TMEM71: variants seen among roughly 807,000 people sequenced by gnomAD.
TMEM71 encodes transmembrane protein 71.
A neutral mutation model predicts 38.0 loss-of-function variants in TMEM71; 44 were observed. The ratio of observed to expected loss-of-function variants is 1.16; its 90% CI spans 0.91 to 1.49. The LOEUF is 1.49. Ranked by LOEUF, TMEM71 falls within the 40% of genes most tolerant of loss-of-function variation. The probability of loss-of-function intolerance (pLI) is 0.00; values close to 1 mark genes in which losing one functional copy is unlikely to be tolerated. For missense variants in TMEM71, 367 were observed against 348.6 expected (o/e 1.05, Z -0.42); for synonymous variants, 133 against 122.5 (o/e 1.09, Z -0.56).
chr8:132,718,203 A>G (rs1285297710), intron 7 of TMEM71, among the ~76,000 whole-genome samples: 1 of 151,964 alleles, frequency 6.6e-6, no homozygotes, highest in East Asian at 1.9e-4. Context: ...TAAAACCACT[A>G]AAGGTGCACT....
chr8:132,712,997 C>T (rs776689487), intron 9 of TMEM71, among the ~76,000 whole-genome samples: 9 of 151,902 alleles, frequency 5.9e-5, no homozygotes, highest in Non-Finnish European at 1.0e-4. Flanking sequence ...ACTGCAGGTG[C>T]GCATCAGCAC....
upstream of TMEM71, among the ~76,000 whole-genome samples, chr8:132,761,336 A>G (rs1338298864): frequency 6.6e-6 from 1 of 152,222 alleles, no homozygotes; most frequent in Non-Finnish European, 1.5e-5. Context: ...AGTTTTCTCA[A>G]TTATAAACAT....
At chr8:132,772,669 C>T in the TMEM71 span, among the ~76,000 whole-genome samples, 1 of 151,976 alleles carries the variant, frequency 6.6e-6, no homozygotes, top group African/African-American at 2.4e-5. Context: ...CATAACCAAG[C>T]TATACATATA....
downstream of TMEM71, among the ~76,000 whole-genome samples, chr8:132,707,971 G>A (rs375549414): frequency 1.1e-4 from 17 of 151,958 alleles, no homozygotes; most frequent in African/African-American, 3.9e-4. Context: ...GCACATGGTT[G>A]GACTAAATAT....
upstream of TMEM71, among the ~76,000 whole-genome samples, chr8:132,764,433 C>T (rs2131227615): frequency 6.6e-6 from 1 of 152,240 alleles, no homozygotes; most frequent in South Asian, 2.1e-4. Context: ...GATTATGTCA[C>T]TCCCCTGATT....
chr8:132,719,731 T>TTAGG (rs1360470998), intron 7 of TMEM71, among the ~76,000 whole-genome samples: 1 of 152,170 alleles, frequency 6.6e-6, no homozygotes, highest in Non-Finnish European at 1.5e-5. Context: ...AATCAGAAAA[T>TTAGG]TAGGACAGAG....
the TMEM71 span, among the ~76,000 whole-genome samples, chr8:132,770,887 T>C: frequency 6.6e-6 from 1 of 152,198 alleles, no homozygotes; most frequent in Non-Finnish European, 1.5e-5. Context: ...TATCAAACAG[T>C]GTTGCATTTT....
At chr8:132,736,489 A>G (rs1308199116) in intron 5 of TMEM71, among the ~76,000 whole-genome samples, 3 of 152,116 alleles carry the variant, frequency 2.0e-5, no homozygotes, top group African/African-American at 7.2e-5. Flanking sequence ...AATCTATCCT[A>G]TATCATGGTG....
intron 7 of TMEM71, among the ~76,000 whole-genome samples, chr8:132,718,697 C>A: frequency 6.7e-6 from 1 of 149,898 alleles, no homozygotes; most frequent in Admixed American, 6.6e-5. Flanking sequence ...GTGCCCAGCC[C>A]CCCTACCTGG....
In TMEM71 at chr8:132,758,904, T is replaced by A. The variant is rs1378682353; in HGVS notation, c.-25A>T. 2 of 1,610,492 alleles carry A rather than the reference T, an allele frequency of 1.2e-6. No homozygotes were observed. Among genetic ancestry groups the A allele is most frequent in the Non-Finnish European group, 1.7e-6 (2 of 1,176,964 alleles). The stretch of plus-strand genomic sequence containing the variant: ...TCTTGGGAAGGCCGCTTGCTCAAAC[T>A]TCACAGATTCTCTGCAAAAGATGTT... On this transcript the variant is annotated 5_prime_UTR_variant, in exon 2 of 10. The change creates a new upstream start codon in the 5' untranslated region. Transcript: ENST00000677595.
intron 9 of TMEM71, among the ~76,000 whole-genome samples, chr8:132,712,172 T>C (rs1213632531): frequency 6.6e-6 from 1 of 152,056 alleles, no homozygotes; most frequent in Non-Finnish European, 1.5e-5. Context: ...TTTTCACAGG[T>C]CTTAAATGCA....
chr8:132,734,584 T>C (rs934071013), intron 5 of TMEM71, among the ~76,000 whole-genome samples: 1 of 152,136 alleles, frequency 6.6e-6, no homozygotes, highest in African/African-American at 2.4e-5. Context: ...TACTGGAAAT[T>C]GTACATAAAA....
At chr8:132,772,369 G>T in the TMEM71 span, among the ~76,000 whole-genome samples, 3 of 152,302 alleles carry the variant, frequency 2.0e-5, no homozygotes, top group African/African-American at 7.2e-5. Context: ...ATTTGGAGAT[G>T]GAGTGACTGA....
At chr8:132,752,234 A>T (rs1391840592) in intron 3 of TMEM71, among the ~76,000 whole-genome samples, 2 of 152,210 alleles carry the variant, frequency 1.3e-5, no homozygotes, top group African/African-American at 2.4e-5. Flanking sequence ...TGAAAACACG[A>T]TGGCTAATCA....
At chr8:132,745,307 A>G (rs1277017620) in intron 5 of TMEM71, among the ~76,000 whole-genome samples, 1 of 152,206 alleles carries the variant, frequency 6.6e-6, no homozygotes, top group Non-Finnish European at 1.5e-5. Context: ...TAGAACCTAT[A>G]AGGAGTTTAA....
At chr8:132,706,574 A>G (rs1826097891), downstream of TMEM71, among the ~76,000 whole-genome samples, 1 of 152,168 alleles carries the variant, frequency 6.6e-6, no homozygotes, top group Admixed American at 6.5e-5. Flanking sequence ...CTTTTGGGAA[A>G]TTTTATATAT....
intron 5 of TMEM71, among the ~76,000 whole-genome samples, chr8:132,745,227 A>G (rs552066447): frequency 6.6e-6 from 1 of 152,302 alleles, no homozygotes; most frequent in South Asian, 2.1e-4. Context: ...ACTATCAACA[A>G]GAGTAAATAT....
At chr8:132,730,387 C>T (rs1224569696) in intron 5 of TMEM71, among the ~76,000 whole-genome samples, 1 of 152,238 alleles carries the variant, frequency 6.6e-6, no homozygotes, top group African/African-American at 2.4e-5. Flanking sequence ...GCCCAAGCTG[C>T]ACAGATTTCC....
At chr8:132,738,590 T>TA (rs1827869340) in intron 5 of TMEM71, among the ~76,000 whole-genome samples, 1 of 152,160 alleles carries the variant, frequency 6.6e-6, no homozygotes, top group African/African-American at 2.4e-5. Flanking sequence ...TCACCCTGCT[T>TA]AAGAGAATCA....
Sources: allele counts gnomAD v4.1 joint callset (sites outside exome capture counted in the v4.1 genomes callset), GRCh38; gene constraint gnomAD v4.1.1; transcripts MANE v1.5; gene names NCBI Gene and HGNC (gene_info 2026-07-23, HGNC 2026-07-21).